Variants in NAV3 observed in about 807,000 individuals in gnomAD.
NAV3 encodes pore membrane and/or filament interacting like protein 1.
Under a neutral mutation model 244.7 loss-of-function variants are expected in NAV3, and 87 were observed. The observed-to-expected ratio is 0.36, with a 90% CI of 0.30 to 0.42. The LOEUF (loss-of-function observed/expected upper bound fraction) is 0.42, where lower values mean the gene tolerates loss of function less well. NAV3 is among the 20% of genes least tolerant of loss of function. NAV3 has a pLI of 1.00. For missense variants in NAV3, 2,663 were observed against 2,893.3 expected (o/e 0.92, Z 1.83); for synonymous variants, 1,126 against 1,042.2 (o/e 1.08, Z -1.55).
intron 6 of NAV3, among the ~76,000 whole-genome samples, chr12:77,995,657 G>T (rs182815080): frequency 6.6e-6 from 1 of 152,098 alleles, no homozygotes; most frequent in Non-Finnish European, 1.5e-5. Context: ...CAAAGACTGC[G>T]TCTGATGCTT....
At chr12:77,994,648 A>G (rs985965201) in intron 5 of NAV3, among the ~76,000 whole-genome samples, 155 bp from the exon 6 acceptor site, 5 of 152,222 alleles carry the variant, frequency 3.3e-5, no homozygotes, top group Non-Finnish European at 4.4e-5. Context: ...TGGACATACA[A>G]CATTACCATA....
chr12:77,660,073 A>G (rs1057497794), intron 2 of NAV3, among the ~76,000 whole-genome samples: 2 of 152,130 alleles, frequency 1.3e-5, no homozygotes, highest in Non-Finnish European at 2.9e-5. Flanking sequence ...ACTAACCTGC[A>G]CATTGTGCAC....
chr12:77,886,308 T>C (rs1378494448), intron 1 of NAV3, among the ~76,000 whole-genome samples: 4 of 152,146 alleles, frequency 2.6e-5, no homozygotes, highest in African/African-American at 9.7e-5. Context: ...GTTTAGTGGT[T>C]AAATTATTTC....
intron 30 of NAV3, 123 bp downstream of exon 30, chr12:78,181,168 C>A: frequency 2.4e-6 from 2 of 843,944 alleles, no homozygotes; most frequent in Non-Finnish European, 3.6e-6. Context: ...CAGAAATAGT[C>A]CTAGTTTGAT....
chr12:77,979,222 TA>T (rs1383363312), intron 5 of NAV3, among the ~76,000 whole-genome samples: 1 of 16,142 alleles, frequency 6.2e-5, no homozygotes, highest in East Asian at 2.7e-3. Flanking sequence ...AAAAATACAA[TA>T]CAAAAAAAAA....
intron 18 of NAV3, 77 bp downstream of exon 18, chr12:78,128,943 T>A: frequency 2.9e-6 from 4 of 1,361,952 alleles, no homozygotes; most frequent in African/African-American, 1.4e-5. Flanking sequence ...AATCTCTCCA[T>A]AACACAACAC....
At chr12:78,153,877 T>A (rs1957171364) in intron 22 of NAV3, among the ~76,000 whole-genome samples, 1 of 151,794 alleles carries the variant, frequency 6.6e-6, no homozygotes, top group Non-Finnish European at 1.5e-5. Context: ...ATATTATTAA[T>A]GAGAAACACT....
chr12:77,579,625 G>A (rs542066793), intron 2 of NAV3, among the ~76,000 whole-genome samples: 56 of 152,134 alleles, frequency 3.7e-4, no homozygotes, highest in Admixed American at 7.9e-4. Context: ...CTGTAATAAT[G>A]GCAATTAAAT....
chr12:77,873,844 G>A (rs1881446803), intron 1 of NAV3, among the ~76,000 whole-genome samples: 1 of 148,298 alleles, frequency 6.7e-6, no homozygotes, highest in African/African-American at 2.5e-5. Context: ...CAATATGTAA[G>A]AATGTGCATT....
chr12:78,156,732 A>G (rs181117553), intron 22 of NAV3, among the ~76,000 whole-genome samples: 3 of 152,244 alleles, frequency 2.0e-5, no homozygotes, highest in African/African-American at 7.2e-5. Flanking sequence ...TTAAAAGAAA[A>G]CACACAATTT....
chr12:77,819,014 A>G (rs1315464860), intron 2 of NAV3, among the ~76,000 whole-genome samples: 8 of 150,298 alleles, frequency 5.3e-5, no homozygotes, highest in Middle Eastern at 3.4e-3. Context: ...AGCAAATCTG[A>G]TGAACTTTAT....
chr12:78,110,499 A>G (rs1955032743), intron 12 of NAV3, among the ~76,000 whole-genome samples: 1 of 152,062 alleles, frequency 6.6e-6, no homozygotes, highest in African/African-American at 2.4e-5. Context: ...TAAAGAACAA[A>G]TCTGGTCCTG....
intron 23 of NAV3, among the ~76,000 whole-genome samples, chr12:78,165,252 G>A (rs759368738): frequency 8.5e-4 from 130 of 152,060 alleles, no homozygotes; most frequent in Non-Finnish European, 1.4e-3. Flanking sequence ...TTTTTGAAAA[G>A]TGTGAAGTAA....
At chr12:77,944,278 G>A (rs747624047) in intron 3 of NAV3, among the ~76,000 whole-genome samples, 11 of 152,092 alleles carry the variant, frequency 7.2e-5, no homozygotes, top group Non-Finnish European at 1.2e-4. Context: ...TTAAAGCTGG[G>A]CTGTGGTATG....
In NAV3 at chr12:77,968,557, T is replaced by A; in HGVS notation, c.526T>A (p.Phe176Ile). Residue 176 changes from phenylalanine (F) to isoleucine (I), a missense_variant, in exon 5 of 40, where the codon TTT becomes ATT. Coordinates refer to ENST00000397909, the MANE Select transcript of NAV3 (RefSeq NM_001024383.2). ...NGNLKAILGL[F>I]FSLSRYKQQQ... ...AAACTTAAAAGCCATTCTAGGGCTG[T>A]TTTTCAGTTTATCTCGCTACAAGCA... 3 of 1,613,996 alleles carry A rather than the reference T, an allele frequency of 1.9e-6. No individual in the cohort carries two copies. The highest frequency in any genetic ancestry group is 2.5e-6 in the Non-Finnish European group (3 of 1,179,892).
chr12:78,117,884 T>A, intron 13 of NAV3, 143 bp from the exon 14 acceptor site: 1 of 840,900 alleles, frequency 1.2e-6, no homozygotes, highest in Non-Finnish European at 1.7e-6. Flanking sequence ...ATTATGTGGC[T>A]AAAATTAATA....
At chr12:77,581,424 C>A (rs1869359630) in intron 2 of NAV3, among the ~76,000 whole-genome samples, 1 of 152,056 alleles carries the variant, frequency 6.6e-6, no homozygotes, top group East Asian at 1.9e-4. Context: ...ATGTTTCCTG[C>A]CACATATTAC....
chr12:77,719,063 T>C (rs1304743088), intron 2 of NAV3, among the ~76,000 whole-genome samples: 2 of 152,210 alleles, frequency 1.3e-5, no homozygotes, highest in African/African-American at 4.8e-5. Flanking sequence ...ATAAGTATTT[T>C]ATTCTTTTTG....
At chr12:77,816,946 C>CT (rs1872550155) in intron 2 of NAV3, among the ~76,000 whole-genome samples, 1 of 152,178 alleles carries the variant, frequency 6.6e-6, no homozygotes, top group Admixed American at 6.5e-5. Flanking sequence ...TATGTTAACT[C>CT]TAAGAATTCT....
Sources: gnomAD v4.1 joint callset for allele counts (sites outside exome capture counted in the v4.1 genomes callset) on GRCh38, gnomAD v4.1.1 for gene constraint, MANE v1.5 for transcripts, NCBI Gene and HGNC (gene_info 2026-07-23, HGNC 2026-07-21) for gene names.